HMGCLL1: variants seen among roughly 807,000 people sequenced by gnomAD.
HMGCLL1 encodes 3-hydroxy-3-methylglutaryl-CoA lyase like 1.
In HMGCLL1, 36 loss-of-function variants were observed where a neutral mutation model predicts 39.1. The ratio of observed to expected loss-of-function variants is 0.92; its 90% CI spans 0.71 to 1.22. The LOEUF is 1.22. Among genes scored for constraint, HMGCLL1 ranks in the 50% most tolerant of loss-of-function variants. HMGCLL1 has a pLI of 0.00. For missense variants in HMGCLL1, 451 were observed against 416.5 expected, an observed-to-expected ratio of 1.08 and a Z score of -0.72; for synonymous variants, 149 against 144.0, an observed-to-expected ratio of 1.03 and a Z score of -0.25.
At chr6:55,606,559 T>G in the HMGCLL1 span, among the ~76,000 whole-genome samples, 1 of 151,984 alleles carries the variant, frequency 6.6e-6, no homozygotes, top group African/African-American at 2.4e-5. Flanking sequence ...AAACTAATAG[T>G]TTTTTTAAAA....
chr6:55,601,335 T>G, the HMGCLL1 span, among the ~76,000 whole-genome samples: 3 of 152,154 alleles, frequency 2.0e-5, no homozygotes, highest in African/African-American at 7.2e-5. Flanking sequence ...GACAGCTAAC[T>G]GGTGACTGCA....
At chr6:55,640,722 T>C in the HMGCLL1 span, among the ~76,000 whole-genome samples, 7 of 151,536 alleles carry the variant, frequency 4.6e-5, no homozygotes, top group African/African-American at 1.7e-4. Flanking sequence ...TATTATATCA[T>C]ATATATTTGT....
At chr6:55,492,630 T>TAG (rs924924367) in intron 7 of HMGCLL1, among the ~76,000 whole-genome samples, 3 of 152,236 alleles carry the variant, frequency 2.0e-5, no homozygotes, top group African/African-American at 7.2e-5. Context: ...CAGAAAGCTC[T>TAG]ACATCTCTGC....
chr6:55,442,228 G>A (rs1012517998), intron 7 of HMGCLL1, among the ~76,000 whole-genome samples: 3 of 151,794 alleles, frequency 2.0e-5, no homozygotes, highest in Non-Finnish European at 2.9e-5. Flanking sequence ...GTCACTATGC[G>A]TAGCTCACAC....
At chr6:55,637,631 C>G in the HMGCLL1 span, among the ~76,000 whole-genome samples, 4 of 151,856 alleles carry the variant, frequency 2.6e-5, no homozygotes, top group Non-Finnish European at 5.9e-5. Context: ...CATAGGCCTC[C>G]TGTATTCTTC....
intron 7 of HMGCLL1, among the ~76,000 whole-genome samples, chr6:55,490,390 A>C (rs746165272): frequency 6.6e-6 from 1 of 152,194 alleles, no homozygotes; most frequent in East Asian, 1.9e-4. Context: ...GATTAAAAAG[A>C]AAATCAACAA....
intron 7 of HMGCLL1, among the ~76,000 whole-genome samples, chr6:55,443,757 T>C (rs1763704147): frequency 6.6e-6 from 1 of 151,892 alleles, no homozygotes; most frequent in Non-Finnish European, 1.5e-5. Context: ...ACTTTCAGAC[T>C]GACAACAATT....
In HMGCLL1 at chr6:55,439,421, T is replaced by C; in HGVS notation, c.921+13A>G. On this transcript the variant is annotated intron_variant, in intron 8 of 8. Coordinates refer to ENST00000274901, the MANE Select transcript of HMGCLL1 (RefSeq NM_001042406.2). ...GGAATGCATGAATATTAAAATACGT[T>C]AAAGTAACTTACTGTATTGAGCCCC... 6.2e-7 allele frequency: 1 copy of C among 1,601,410 alleles called. No individual in the cohort carries two copies. The highest frequency in any genetic ancestry group is 1.3e-5 in the African/African-American group (1 of 74,716).
intron 7 of HMGCLL1, among the ~76,000 whole-genome samples, chr6:55,446,277 ATATT>A (rs756876290): frequency 9.2e-4 from 136 of 148,296 alleles, no homozygotes; most frequent in Non-Finnish European, 1.5e-3. Flanking sequence ...TATTTATAAC[ATATT>A]TATTTAAATA....
the HMGCLL1 span, among the ~76,000 whole-genome samples, chr6:55,651,794 T>C: frequency 5.3e-5 from 8 of 152,234 alleles, no homozygotes; most frequent in Admixed American, 5.2e-4. Context: ...CCCTTCTGAC[T>C]AGGGCTGGTC....
chr6:55,664,620 A>G, the HMGCLL1 span, among the ~76,000 whole-genome samples: 1 of 151,778 alleles, frequency 6.6e-6, no homozygotes, highest in Non-Finnish European at 1.5e-5. Flanking sequence ...CTCAACACTT[A>G]GGGCCTTAAA....
chr6:55,595,367 G>A, the HMGCLL1 span, among the ~76,000 whole-genome samples: 1 of 152,144 alleles, frequency 6.6e-6, no homozygotes, highest in African/African-American at 2.4e-5. Flanking sequence ...AAATAGTGAG[G>A]AGAGGACTGT....
At chr6:55,608,979 C>T in the HMGCLL1 span, among the ~76,000 whole-genome samples, 1 of 152,186 alleles carries the variant, frequency 6.6e-6, no homozygotes, top group Non-Finnish European at 1.5e-5. Flanking sequence ...GGAGGCCCTA[C>T]CCCCAGCCAA....
At chr6:55,675,397 C>G in the HMGCLL1 span, among the ~76,000 whole-genome samples, 1 of 152,026 alleles carries the variant, frequency 6.6e-6, no homozygotes, top group African/African-American at 2.4e-5. Context: ...ACTAAAATTA[C>G]TATTATATGT....
chr6:55,475,187 T>C (rs771637608), intron 7 of HMGCLL1, among the ~76,000 whole-genome samples: 6 of 151,540 alleles, frequency 4.0e-5, no homozygotes, highest in Non-Finnish European at 7.4e-5. Context: ...ACTAGTAATT[T>C]CTTTGTATTG....
At chr6:55,505,142 T>C (rs1377045304) in intron 5 of HMGCLL1, among the ~76,000 whole-genome samples, 1 of 151,660 alleles carries the variant, frequency 6.6e-6, no homozygotes, top group Non-Finnish European at 1.5e-5. Context: ...TTTCAGTCTT[T>C]AATAACCTTA....
At chr6:55,501,617 C>A (rs149646294) in intron 5 of HMGCLL1, among the ~76,000 whole-genome samples, 157 of 152,008 alleles carry the variant, frequency 1.0e-3, no homozygotes, top group African/African-American at 3.5e-3. Flanking sequence ...CAGTGGTTCT[C>A]AACCTTGGCT....
intron 7 of HMGCLL1, among the ~76,000 whole-genome samples, chr6:55,441,849 C>T (rs1763610858): frequency 6.6e-6 from 1 of 152,002 alleles, no homozygotes; most frequent in Non-Finnish European, 1.5e-5. Flanking sequence ...CACAATCACA[C>T]CTGGCTAATT....
At chr6:55,451,404 C>T (rs545781849) in intron 7 of HMGCLL1, among the ~76,000 whole-genome samples, 1 of 151,952 alleles carries the variant, frequency 6.6e-6, no homozygotes, top group African/African-American at 2.4e-5. Context: ...GGGTGGATCA[C>T]CTGAGGTCAG....
Sources: gnomAD v4.1 joint callset for allele counts (sites outside exome capture counted in the v4.1 genomes callset) on GRCh38, gnomAD v4.1.1 for gene constraint, MANE v1.5 for transcripts, NCBI Gene and HGNC (gene_info 2026-07-23, HGNC 2026-07-21) for gene names.